The following KCNJ5 variants were observed in gnomAD, a reference collection of about 807,000 sequenced individuals.
The protein encoded by KCNJ5 is potassium inwardly rectifying channel subfamily J member 5, also known as G protein-activated inward rectifier potassium channel 4.
In KCNJ5, 12 loss-of-function variants were observed where a neutral mutation model predicts 20.2. The observed-to-expected ratio is 0.59, with a 90% CI of 0.38 to 0.96. The LOEUF (loss-of-function observed/expected upper bound fraction) is 0.96, where lower values mean the gene tolerates loss of function less well. Ranked by LOEUF, KCNJ5 falls within the 40% of genes least tolerant of loss-of-function variation. The probability of loss-of-function intolerance (pLI) is 0.00; values close to 1 mark genes in which losing one functional copy is unlikely to be tolerated. For synonymous variants in KCNJ5, 210 were observed against 213.9 expected (o/e 0.98, Z 0.16); for missense variants, 449 against 557.6 (o/e 0.81, Z 1.96).
chr11:128,910,991 C>T (rs1232823957), intron 1 of KCNJ5, among the ~76,000 whole-genome samples: 1 of 152,208 alleles, frequency 6.6e-6, no homozygotes, highest in Non-Finnish European at 1.5e-5. Context: ...CCTTTCAACA[C>T]TTAATGTGTA....
rs1400920470 is a variant in KCNJ5 at position 128,917,522 on chromosome 11, G to A, written c.*791G>A. 1 of 152,500 alleles carries A rather than the reference G, an allele frequency of 6.6e-6. No homozygotes were observed. Among genetic ancestry groups the A allele is most frequent in the Non-Finnish European group, 1.5e-5 (1 of 68,244 alleles). 9.4% of individuals were successfully genotyped at this position (152,500 alleles called of 1,614,324 possible). A position where few individuals can be genotyped will look rare whatever the true frequency, so the allele number is the denominator to read the frequency against. ...CTCCCACCAAGGGGGAACCCCAGCA[G>A]CTGGGGCTTTTCGAGTGCTTTTTGG... On this transcript the variant is annotated 3_prime_UTR_variant, in exon 3 of 3. Transcript: ENST00000529694.
At chr11:128,913,474 G>A (rs909928630) in intron 2 of KCNJ5, among the ~76,000 whole-genome samples, 3 of 152,138 alleles carry the variant, frequency 2.0e-5, no homozygotes, top group African/African-American at 7.2e-5. Flanking sequence ...CAAGGCCTGG[G>A]ACCGCCTGAA....
chr11:128,914,234 C>G (rs1944543599), intron 2 of KCNJ5, among the ~76,000 whole-genome samples: 1 of 152,226 alleles, frequency 6.6e-6, no homozygotes, highest in South Asian at 2.1e-4. Flanking sequence ...GGGGTCAAAT[C>G]ATAGCACACC....
At chr11:128,906,879 C>A (rs1797178777) in intron 1 of KCNJ5, among the ~76,000 whole-genome samples, 1 of 152,098 alleles carries the variant, frequency 6.6e-6, no homozygotes, top group Non-Finnish European at 1.5e-5. Flanking sequence ...GGGGTGTATA[C>A]CAGGGGGCAG....
intron 1 of KCNJ5, among the ~76,000 whole-genome samples, chr11:128,897,885 A>G (rs1394876079): frequency 1.3e-5 from 2 of 152,242 alleles, no homozygotes; most frequent in African/African-American, 4.8e-5. Context: ...TTGCTCCGGC[A>G]CCATTTGTTG....
intron 1 of KCNJ5, chr11:128,904,407 A>C (rs1376953934): frequency 6.2e-7 from 1 of 1,613,916 alleles, no homozygotes; most frequent in Admixed American, 1.7e-5. Flanking sequence ...CAGAGAACGC[A>C]TCAAGGGTCG....
intron 1 of KCNJ5, among the ~76,000 whole-genome samples, chr11:128,904,856 A>G (rs1944369020): frequency 6.6e-6 from 1 of 152,222 alleles, no homozygotes; most frequent in South Asian, 2.1e-4. Flanking sequence ...CAAAAAGCAA[A>G]CCCGTAAAAC....
chr11:128,909,610 T>G (rs1944470568), intron 1 of KCNJ5, among the ~76,000 whole-genome samples: 1 of 152,188 alleles, frequency 6.6e-6, no homozygotes, highest in African/African-American at 2.4e-5. Flanking sequence ...GGTAACAACC[T>G]AAACAGGGTT....
chr11:128,900,303 T>C (rs575716981), intron 1 of KCNJ5: 2 of 152,362 alleles, frequency 1.3e-5, no homozygotes, highest in East Asian at 1.9e-4. Context: ...AAACACCATT[T>C]AATCCTTCTC....
chr11:128,914,697 G>C (rs1944551436), intron 2 of KCNJ5, among the ~76,000 whole-genome samples: 1 of 152,182 alleles, frequency 6.6e-6, no homozygotes, highest in Admixed American at 6.5e-5. Flanking sequence ...AGATGAAAAG[G>C]AGCTGTGCTG....
chr11:128,908,113 G>T (rs1255592072), intron 1 of KCNJ5, among the ~76,000 whole-genome samples: 1 of 152,230 alleles, frequency 6.6e-6, no homozygotes, highest in Non-Finnish European at 1.5e-5. Context: ...TGCTTGCCCT[G>T]CAAATTGCCC....
At chr11:128,915,353 C>T (rs762679379) in intron 2 of KCNJ5, among the ~76,000 whole-genome samples, 4 of 152,184 alleles carry the variant, frequency 2.6e-5, no homozygotes, top group Non-Finnish European at 2.9e-5. Flanking sequence ...TCTGTGTGTG[C>T]GTCTGCTCCT....
chr11:128,907,829 G>T (rs990518697), intron 1 of KCNJ5, among the ~76,000 whole-genome samples: 7 of 152,226 alleles, frequency 4.6e-5, no homozygotes, highest in African/African-American at 1.7e-4. Context: ...CTATGGGAGG[G>T]CTGGCTCTGC....
chr11:128,901,922 C>T (rs1314490693), intron 1 of KCNJ5: 3 of 155,094 alleles, frequency 1.9e-5, no homozygotes, highest in African/African-American at 2.4e-5. Context: ...ATGAAGTGTC[C>T]CATCTGACAA....
chr11:128,915,522 A>G (rs1047567925), intron 2 of KCNJ5, among the ~76,000 whole-genome samples: 1 of 151,298 alleles, frequency 6.6e-6, no homozygotes, highest in African/African-American at 2.4e-5. Context: ...TCCCATCTTA[A>G]TCTTCTAGAC....
At position 128,918,301 on chromosome 11, in the gene KCNJ5, G is replaced by T. The variant is rs576218579; in HGVS notation, c.*1570G>T. 19 of 152,368 alleles carry T rather than the reference G, an allele frequency of 1.2e-4. No individual in the cohort carries two copies. The highest frequency in any genetic ancestry group is 4.3e-4 in the African/African-American group (18 of 41,580). 9.4% of individuals were successfully genotyped at this position (152,368 alleles called of 1,614,324 possible). The stretch of plus-strand genomic sequence containing the variant: ...GGCTGGAAACAAGAGGGCAAGCGGG[G>T]TCAGCAGGAGAATTCGGGGGCAGGG... On this transcript the variant is annotated 3_prime_UTR_variant, in exon 3 of 3. Coordinates refer to ENST00000529694, the MANE Select transcript of KCNJ5 (RefSeq NM_000890.5).
At position 128,911,196 on chromosome 11, in the gene KCNJ5, G is replaced by A; in HGVS notation, c.-10-68G>A. 3.0e-6 allele frequency: 4 copies of A among 1,312,596 alleles called. No individual in the cohort carries two copies. The highest frequency in any genetic ancestry group is 2.4e-5 in the South Asian group (2 of 83,268). 81.3% of individuals were successfully genotyped at this position (1,312,596 alleles called of 1,614,324 possible). A position where few individuals can be genotyped will look rare whatever the true frequency, so the allele number is the denominator to read the frequency against. ...CTGGGAGAGCCCCGGGGTGGGGGTG[G>A]CCTTCCATCTTGTGTTCTAGTGAAT... On this transcript the variant is annotated intron_variant, in intron 1 of 2. Transcript: ENST00000529694. This position sits in a 1 kb window ranked among gnomAD's most constrained non-coding sequence, Gnocchi z 6.3.
Position 128,916,821 on chromosome 11 carries a change from T to C in KCNJ5, c.*90T>C. The stretch of plus-strand genomic sequence containing the variant: ...GGAGCAGGGGAGGGGAATAGTTGAG[T>C]GTGCTGTTTGGGGGCTCAGGAGCCA... On this transcript the variant is annotated 3_prime_UTR_variant, in exon 3 of 3. Coordinates refer to ENST00000529694, the MANE Select transcript of KCNJ5 (RefSeq NM_000890.5). 9.6e-7 allele frequency: 1 copy of C among 1,040,982 alleles called. No homozygotes were observed. Among genetic ancestry groups the C allele is most frequent in the Non-Finnish European group, 1.4e-6 (1 of 719,422 alleles). The allele number at this position is 1,040,982 out of a possible 1,614,324, so 64.5% of individuals were successfully genotyped here.
intron 1 of KCNJ5, among the ~76,000 whole-genome samples, chr11:128,896,953 C>T (rs192630245): frequency 2.0e-5 from 3 of 152,144 alleles, no homozygotes; most frequent in Admixed American, 2.0e-4. Flanking sequence ...TTTACACTCC[C>T]ACCAACACTG....
Sources: allele counts gnomAD v4.1 joint callset (sites outside exome capture counted in the v4.1 genomes callset), GRCh38; gene constraint gnomAD v4.1.1; non-coding constraint Gnocchi (gnomAD v3.1); transcripts MANE v1.5; gene names NCBI Gene and HGNC (gene_info 2026-07-23, HGNC 2026-07-21).